SDC1: variants seen among roughly 807,000 people sequenced by gnomAD.
The protein encoded by SDC1 is syndecan-1.
SDC1 carries 14 observed loss-of-function variants against 29.7 expected under a neutral mutation model. That is an observed-to-expected ratio of 0.47 (90% confidence interval 0.31 to 0.74). SDC1 has a LOEUF of 0.74. Among genes scored for constraint, SDC1 ranks in the 30% least tolerant of loss-of-function variants. The pLI is 0.05. For synonymous variants in SDC1, 204 were observed against 175.5 expected, an observed-to-expected ratio of 1.16 and a Z score of -1.29; for missense variants, 406 against 400.3, an observed-to-expected ratio of 1.01 and a Z score of -0.12.
At position 20,210,059 on chromosome 2, in the gene SDC1, C is replaced by A. The variant is rs149092532; in HGVS notation, c.67-4635G>T. On this transcript the variant is annotated intron_variant, in intron 1 of 4. Transcript: ENST00000254351. ...AACACAAACCCCTTAAAAAGCATTA[C>A]TACTAGGCGCGGTGGCTCCCGCCTG... 1.9e-3 allele frequency among the ~76,000 whole-genome samples: 294 copies of A among 152,330 alleles called. 1 individual carries two copies. Among genetic ancestry groups the A allele is most frequent in the African/African-American group, 6.7e-3 (277 of 41,578 alleles).
At chr2:20,223,801 T>C (rs1259079154) in intron 1 of SDC1, among the ~76,000 whole-genome samples, 1 of 152,032 alleles carries the variant, frequency 6.6e-6, no homozygotes, top group Non-Finnish European at 1.5e-5. Context: ...GGAGAGCCAC[T>C]TTCTGGGGAC....
chr2:20,209,881 G>A (rs766251921), intron 1 of SDC1, among the ~76,000 whole-genome samples: 9 of 152,316 alleles, frequency 5.9e-5, no homozygotes, highest in South Asian at 2.1e-4. Context: ...CAGGTTCGAC[G>A]GGGGGCAGCG....
chr2:20,218,610 C>T (rs1231996586), intron 1 of SDC1, among the ~76,000 whole-genome samples: 8 of 150,860 alleles, frequency 5.3e-5, no homozygotes, highest in East Asian at 1.9e-4. Flanking sequence ...TATACACGGA[C>T]GCAGACACAC....
intron 1 of SDC1, among the ~76,000 whole-genome samples, chr2:20,223,017 G>A (rs1033762843): frequency 6.6e-6 from 1 of 152,176 alleles, no homozygotes; most frequent in African/African-American, 2.4e-5. Flanking sequence ...CACAGTCTCA[G>A]TTCCACAGAA....
intron 1 of SDC1, chr2:20,223,265 C>T: frequency 7.7e-7 from 1 of 1,301,008 alleles, no homozygotes; most frequent in Non-Finnish European, 1.0e-6. Flanking sequence ...ACCTCATCTC[C>T]CATGAGACAG....
chr2:20,224,230 C>T lies in SDC1; in HGVS notation c.66+572G>A. Reference sequence around the variant, plus strand: ...GGCAAGCCCGAGGGCCCTGCAGACGCTCGCCCGCGCCCCCCACGCAGCCCT... The same window carrying T: ...GGCAAGCCCGAGGGCCCTGCAGACGTTCGCCCGCGCCCCCCACGCAGCCCT... On this transcript the variant is annotated intron_variant, in intron 1 of 4. Transcript: ENST00000254351. The surrounding 1 kb of genome is among the most constrained non-coding windows in gnomAD (Gnocchi z 4.9). 2.5e-6 allele frequency: 1 copy of T among 396,404 alleles called. No individual in the cohort carries two copies. Among genetic ancestry groups the T allele is most frequent in the East Asian group, 1.4e-4 (1 of 7,230 alleles). 24.6% of individuals were successfully genotyped at this position (396,404 alleles called of 1,614,324 possible).
chr2:20,224,428 C>G lies in SDC1; in HGVS notation c.66+374G>C, dbSNP rs1296864843. 1 of 154,270 alleles carries G rather than the reference C, an allele frequency of 6.5e-6. No homozygotes were observed. The highest frequency in any genetic ancestry group is 1.4e-5 in the Non-Finnish European group (1 of 69,626). The allele number at this position is 154,270 out of a possible 1,614,324, so 9.6% of individuals were successfully genotyped here. ...AGGGGGGGCGTTGTGGCCGCGGTCA[C>G]TGCATCCCCCCGGGTCACCGACGGG... On this transcript the variant is annotated intron_variant, in intron 1 of 4. Coordinates refer to ENST00000254351, the MANE Select transcript of SDC1 (RefSeq NM_002997.5). This position sits in a 1 kb window ranked among gnomAD's most constrained non-coding sequence, Gnocchi z 4.9.
intron 1 of SDC1, among the ~76,000 whole-genome samples, chr2:20,212,176 C>A (rs1297155165): frequency 6.6e-6 from 1 of 152,258 alleles, no homozygotes; most frequent in Admixed American, 6.5e-5. Context: ...ATGCCCCCTC[C>A]TCAGGGACCC....
intron 1 of SDC1, 22 bp from the exon 2 acceptor site, chr2:20,205,446 G>A (rs1294559191): frequency 1.9e-6 from 3 of 1,603,746 alleles, no homozygotes; most frequent in Non-Finnish European, 2.6e-6. Context: ...TCAGAATATG[G>A]TATGAGTAAA....
At chr2:20,207,369 C>G in intron 1 of SDC1, 8 of 982,618 alleles carry the variant, frequency 8.1e-6, no homozygotes, top group Non-Finnish European at 9.7e-6. Flanking sequence ...CACATTCCGC[C>G]AAGGCTCACC....
chr2:20,213,036 C>T (rs1242322012), intron 1 of SDC1, among the ~76,000 whole-genome samples: 1 of 152,212 alleles, frequency 6.6e-6, no homozygotes, highest in Non-Finnish European at 1.5e-5. Context: ...TTGCCCTGCA[C>T]CGCACTGCCT....
At position 20,201,945 on chromosome 2, in the gene SDC1, G is replaced by A; in HGVS notation, c.*821C>T. On this transcript the variant is annotated 3_prime_UTR_variant, in exon 5 of 5. Coordinates refer to ENST00000254351, the MANE Select transcript of SDC1 (RefSeq NM_002997.5). ...GCTTGAAAGAGGCGGCGGCCCCACG[G>A]CAGCCTGGACTGGCCAGCCTGCCAA... is the stretch of plus-strand genomic sequence containing the variant. The A allele has an allele frequency of 3.5e-6, 1 of 289,160 alleles. No individual in the cohort carries two copies. The highest frequency in any genetic ancestry group is 6.7e-5 in the South Asian group (1 of 14,846). 17.9% of individuals were successfully genotyped at this position (289,160 alleles called of 1,614,324 possible). A position where few individuals can be genotyped will look rare whatever the true frequency, so the allele number is the denominator to read the frequency against.
At chr2:20,206,499 G>A (rs1677276848) in intron 1 of SDC1, among the ~76,000 whole-genome samples, 2 of 152,194 alleles carry the variant, frequency 1.3e-5, no homozygotes, top group African/African-American at 2.4e-5. Context: ...CCTCAGGTAA[G>A]GAAGAGAGAA....
chr2:20,205,228 G>A (rs1677219881), intron 2 of SDC1, 115 bp downstream of exon 2: 1 of 813,758 alleles, frequency 1.2e-6, no homozygotes, highest in Admixed American at 1.8e-5. Flanking sequence ...GTGGAGACAG[G>A]GCAGGCAGGG....
chr2:20,206,242 G>C (rs3771255), intron 1 of SDC1, among the ~76,000 whole-genome samples: 66,852 of 152,166 alleles, frequency 0.44, 16,453 homozygotes, highest in East Asian at 0.75. Context: ...GCCTGGGACG[G>C]GCCCTGCTGG....
chr2:20,220,874 T>C lies in SDC1; in HGVS notation c.66+3928A>G, dbSNP rs551158898. On this transcript the variant is annotated intron_variant, in intron 1 of 4. Coordinates refer to ENST00000254351, the MANE Select transcript of SDC1 (RefSeq NM_002997.5). ...TCCAAATCAAACATGTGGTGAAGAG[T>C]TGGGGGCATGACCGAAGCTGAGAGT... 1.1e-3 allele frequency among the ~76,000 whole-genome samples: 171 copies of C among 152,114 alleles called. 6 individuals are homozygous for C. Among genetic ancestry groups the C allele is most frequent in the Non-Finnish European group, 1.3e-3 (90 of 68,006 alleles).
chr2:20,206,727 T>C (rs187339972), intron 1 of SDC1, among the ~76,000 whole-genome samples: 5 of 152,354 alleles, frequency 3.3e-5, no homozygotes, highest in Admixed American at 2.6e-4. Flanking sequence ...TCCTGGGATG[T>C]CATTAAACTG....
chr2:20,205,316 T>A (rs1231300421), intron 2 of SDC1, 27 bp downstream of exon 2: 2 of 1,546,274 alleles, frequency 1.3e-6, no homozygotes, highest in Non-Finnish European at 8.9e-7. Flanking sequence ...CCGTCTTGGG[T>A]GGGGGGGGCC....
In SDC1 at chr2:20,224,789, C is replaced by A. The variant is rs1312353563; in HGVS notation, c.66+13G>T. On this transcript the variant is annotated intron_variant, in intron 1 of 4. Coordinates refer to ENST00000254351, the MANE Select transcript of SDC1 (RefSeq NM_002997.5). This position sits in a 1 kb window ranked among gnomAD's most constrained non-coding sequence, Gnocchi z 4.9. ...TCCCGCCGCCTCCCCGCCTGGCCGC[C>A]GGCCGCACTCACCGGCAGGGCCGGC... The A allele has an allele frequency of 2.3e-6, 3 of 1,306,136 alleles. No homozygotes were observed. Among genetic ancestry groups the A allele is most frequent in the Admixed American group, 3.6e-5 (1 of 27,994 alleles). The allele number at this position is 1,306,136 out of a possible 1,614,324, so 80.9% of individuals were successfully genotyped here. A position where few individuals can be genotyped will look rare whatever the true frequency, so the allele number is the denominator to read the frequency against.
Sources: allele counts gnomAD v4.1 joint callset (sites outside exome capture counted in the v4.1 genomes callset), GRCh38; gene constraint gnomAD v4.1.1; non-coding constraint Gnocchi (gnomAD v3.1); transcripts MANE v1.5; gene names NCBI Gene and HGNC (gene_info 2026-07-23, HGNC 2026-07-21).